The following STARD13 variants were observed in gnomAD, a reference collection of about 807,000 sequenced individuals.
STARD13 encodes the protein StAR related lipid transfer domain containing 13.
A neutral mutation model predicts 106.4 loss-of-function variants in STARD13; 62 were observed. The observed-to-expected ratio is 0.58, with a 90% CI of 0.48 to 0.72. The LOEUF (loss-of-function observed/expected upper bound fraction) is 0.72. STARD13 is among the 30% of genes least tolerant of loss of function. The probability of loss-of-function intolerance (pLI) is 0.00; values close to 1 mark genes in which losing one functional copy is unlikely to be tolerated. For synonymous variants in STARD13, 565 were observed against 553.0 expected, an observed-to-expected ratio of 1.02 and a Z score of -0.31; for missense variants, 1,387 against 1,424.0, an observed-to-expected ratio of 0.97 and a Z score of 0.42.
chr13:33,106,850 A>G lies in STARD13; in HGVS notation c.3132T>C (p.Gly1044=), dbSNP rs778182936. ...VEHEEAQLLG[G]VRAVVMDSQY... ...GCGAGTCCATCACCACTGCTCGCAC[A>G]CCACCCAGGAGCTGGGCTTCCTCAT... is the stretch of plus-strand genomic sequence containing the variant. The change falls in exon 13 of 14, where the codon GGT becomes GGC. Residue 1044 remains glycine, a synonymous_variant. Coordinates refer to ENST00000336934, the MANE Select transcript of STARD13 (RefSeq NM_178006.4). The G allele has an allele frequency of 3.1e-6, 5 of 1,614,128 alleles. No individual in the cohort carries two copies. Among genetic ancestry groups the G allele is most frequent in the Non-Finnish European group, 3.4e-6 (4 of 1,180,018 alleles).
the STARD13 span, among the ~76,000 whole-genome samples, chr13:33,492,838 C>G: frequency 3.6e-3 from 545 of 152,278 alleles, 2 homozygotes; most frequent in Non-Finnish European, 5.8e-3. Context: ...ACCCTGAATT[C>G]TTTCTTGTGC....
the STARD13 span, among the ~76,000 whole-genome samples, chr13:33,358,732 G>A: frequency 6.6e-6 from 1 of 151,922 alleles, no homozygotes; most frequent in Non-Finnish European, 1.5e-5. Context: ...TCGACACTCT[G>A]TATCTAGCTG....
intron 1 of STARD13, among the ~76,000 whole-genome samples, chr13:33,220,529 A>G (rs1276899434): frequency 6.6e-6 from 1 of 152,072 alleles, no homozygotes; most frequent in Non-Finnish European, 1.5e-5. Context: ...CGTCTCTACT[A>G]AAAATACAAA....
intron 4 of STARD13, among the ~76,000 whole-genome samples, chr13:33,131,432 A>G (rs1878273409): frequency 1.5e-5 from 1 of 67,342 alleles, no homozygotes; most frequent in South Asian, 5.7e-4. Context: ...ATCGAATCAT[A>G]TGATTTTTTT....
chr13:33,554,485 T>C, the STARD13 span, among the ~76,000 whole-genome samples: 1 of 152,222 alleles, frequency 6.6e-6, no homozygotes, highest in South Asian at 2.1e-4. Context: ...AATAGTGCCT[T>C]CTTCATCGGA....
At chr13:33,287,048 A>T (rs6561821), upstream of STARD13, among the ~76,000 whole-genome samples, 147,325 of 152,278 alleles carry the variant, frequency 0.97, 71,468 homozygotes, top group East Asian at 1. Context: ...TGGGGCTGAA[A>T]GAATAAAGTT....
At chr13:33,503,897 A>T in the STARD13 span, among the ~76,000 whole-genome samples, 1 of 152,216 alleles carries the variant, frequency 6.6e-6, no homozygotes, top group Non-Finnish European at 1.5e-5. Context: ...GAACTTAAAC[A>T]AATTTACAAG....
chr13:33,369,927 A>C, the STARD13 span, among the ~76,000 whole-genome samples: 1 of 152,234 alleles, frequency 6.6e-6, no homozygotes, highest in Non-Finnish European at 1.5e-5. Context: ...GTTACATTCA[A>C]AAGATAAATT....
chr13:33,668,211 A>G, the STARD13 span, among the ~76,000 whole-genome samples: 1 of 152,216 alleles, frequency 6.6e-6, no homozygotes, highest in Admixed American at 6.5e-5. Context: ...CAGTTGTTGA[A>G]CTGAAACACT....
chr13:33,648,340 C>A, the STARD13 span, among the ~76,000 whole-genome samples: 1 of 152,230 alleles, frequency 6.6e-6, no homozygotes, highest in Non-Finnish European at 1.5e-5. Context: ...TCACACTCTG[C>A]AGCCCAAGCT....
the STARD13 span, among the ~76,000 whole-genome samples, chr13:33,636,273 C>G: frequency 6.6e-6 from 1 of 151,880 alleles, no homozygotes; most frequent in African/African-American, 2.4e-5. Context: ...CACTTGCTTT[C>G]TCCTTAGTCT....
intron 1 of STARD13, among the ~76,000 whole-genome samples, chr13:33,234,095 C>A (rs574675353): frequency 1.3e-5 from 2 of 152,182 alleles, no homozygotes; most frequent in African/African-American, 4.8e-5. Flanking sequence ...TTATAGCATA[C>A]GTACAAATAG....
intron 3 of STARD13, among the ~76,000 whole-genome samples, chr13:33,146,322 T>C (rs1224640011): frequency 6.7e-6 from 1 of 148,406 alleles, no homozygotes; most frequent in Admixed American, 6.7e-5. Flanking sequence ...AAACTCCATC[T>C]CAAAAAAAAA....
chr13:33,403,683 C>T, the STARD13 span, among the ~76,000 whole-genome samples: 1 of 152,218 alleles, frequency 6.6e-6, no homozygotes, highest in Non-Finnish European at 1.5e-5. Context: ...TTACAAAGCA[C>T]TATCCTTGTA....
At chr13:33,376,344 C>T in the STARD13 span, among the ~76,000 whole-genome samples, 12 of 152,130 alleles carry the variant, frequency 7.9e-5, no homozygotes, top group African/African-American at 2.9e-4. Context: ...AAAGCCTTGT[C>T]CTCCTGTAGT....
the STARD13 span, among the ~76,000 whole-genome samples, chr13:33,673,459 C>T: frequency 9.2e-5 from 14 of 151,934 alleles, no homozygotes. Context: ...GTAAGTTACA[C>T]CTTACATGAT....
chr13:33,516,408 A>G, the STARD13 span, among the ~76,000 whole-genome samples: 163 of 151,524 alleles, frequency 1.1e-3, 5 homozygotes, highest in South Asian at 0.033. Context: ...TCATATTTTA[A>G]TTCAAAGTAA....
chr13:33,136,868 G>C (rs546534526), intron 4 of STARD13, among the ~76,000 whole-genome samples: 1 of 152,332 alleles, frequency 6.6e-6, no homozygotes, highest in African/African-American at 2.4e-5. Context: ...GGGGTTGTAA[G>C]CTGCAGCCCT....
At chr13:33,503,109 G>A in the STARD13 span, among the ~76,000 whole-genome samples, 1 of 152,140 alleles carries the variant, frequency 6.6e-6, no homozygotes, top group Non-Finnish European at 1.5e-5. Flanking sequence ...TTTAGGCTTA[G>A]GAGGGTGTAT....
Sources: allele counts gnomAD v4.1 joint callset (sites outside exome capture counted in the v4.1 genomes callset), GRCh38; gene constraint gnomAD v4.1.1; transcripts MANE v1.5; gene names NCBI Gene and HGNC (gene_info 2026-07-23, HGNC 2026-07-21).